The following DCAF8 variants were observed in gnomAD, a reference collection of about 807,000 sequenced individuals.
DCAF8 encodes the protein DDB1 and CUL4 associated factor 8.
A neutral mutation model predicts 68.0 loss-of-function variants in DCAF8; 20 were observed. The observed-to-expected ratio is 0.29, with a 90% CI of 0.21 to 0.43. DCAF8 has a LOEUF of 0.43. Ranked by LOEUF, DCAF8 falls within the 20% of genes least tolerant of loss-of-function variation. The probability of loss-of-function intolerance (pLI) is 1.00; values close to 1 mark genes in which losing one functional copy is unlikely to be tolerated. For missense variants in DCAF8, 460 were observed against 771.0 expected (o/e 0.60, Z 4.78); for synonymous variants, 230 against 276.9 (o/e 0.83, Z 1.68).
At chr1:160,230,897 A>G (rs1181918326) in intron 7 of DCAF8, among the ~76,000 whole-genome samples, 1 of 151,414 alleles carries the variant, frequency 6.6e-6, no homozygotes, top group African/African-American at 2.4e-5. Flanking sequence ...GACTACACGC[A>G]TGTACCACCA....
At chr1:160,239,434 A>G (rs1426680577) in intron 4 of DCAF8, 1 of 1,434,324 alleles carries the variant, frequency 7.0e-7, no homozygotes, top group African/African-American at 1.4e-5. Flanking sequence ...CTGTGCTTAT[A>G]CTACACTGCC....
chr1:160,239,481 T>TA (rs1656015041), intron 4 of DCAF8: 1 of 1,457,510 alleles, frequency 6.9e-7, no homozygotes, highest in African/African-American at 1.4e-5. Context: ...GCATGCACCC[T>TA]ACCTATGAGG....
intron 10 of DCAF8, among the ~76,000 whole-genome samples, chr1:160,223,745 A>T (rs961203504): frequency 7.9e-5 from 12 of 152,118 alleles, no homozygotes; most frequent in African/African-American, 2.9e-4. Context: ...AAAAAATACA[A>T]AAATTAGCCA....
intron 3 of DCAF8, among the ~76,000 whole-genome samples, chr1:160,242,233 A>G (rs1656144501): frequency 6.6e-6 from 1 of 151,678 alleles, no homozygotes; most frequent in Non-Finnish European, 1.5e-5. Context: ...AACAAGAGCA[A>G]AACTCTGTCT....
At chr1:160,229,231 G>A (rs1655585872) in intron 7 of DCAF8, among the ~76,000 whole-genome samples, 1 of 152,104 alleles carries the variant, frequency 6.6e-6, no homozygotes, top group Non-Finnish European at 1.5e-5. Flanking sequence ...AGGAGGCAGA[G>A]GTTGCAGTGA....
intron 2 of DCAF8, among the ~76,000 whole-genome samples, chr1:160,247,593 T>C (rs1248062732): frequency 6.6e-6 from 1 of 152,182 alleles, no homozygotes; most frequent in Admixed American, 6.6e-5. Flanking sequence ...GGGCCAGAAG[T>C]GTTTCAAATT....
At chr1:160,245,965 C>T (rs553746603) in intron 2 of DCAF8, among the ~76,000 whole-genome samples, 25 of 152,032 alleles carry the variant, frequency 1.6e-4, no homozygotes, top group Non-Finnish European at 3.2e-4. Flanking sequence ...ATGGAGAAAC[C>T]CTGTCTCTAC....
In DCAF8 at chr1:160,236,103, T is replaced by C. The variant is rs569416527; in HGVS notation, c.959+1032A>G. 2.6e-5 allele frequency among the ~76,000 whole-genome samples: 4 copies of C among 152,330 alleles called. No homozygotes were observed. The East Asian group carries it at 7.7e-4, about 29-fold the overall frequency. ...GGTGACTGAGGGAGCATTTACATTTTGTCTGTATACTTTATTACTTGAATC... is the reference window on the plus strand; with the variant it reads ...GGTGACTGAGGGAGCATTTACATTTCGTCTGTATACTTTATTACTTGAATC... On this transcript the variant is annotated intron_variant, in intron 6 of 13. Coordinates refer to ENST00000368074, the MANE Select transcript of DCAF8 (RefSeq NM_015726.4).
chr1:160,231,001 C>G (rs1024325757), intron 7 of DCAF8, among the ~76,000 whole-genome samples: 11 of 152,004 alleles, frequency 7.2e-5, no homozygotes, highest in African/African-American at 2.7e-4. Context: ...GTGATCCACC[C>G]GCCTCACCTC....
intron 2 of DCAF8, among the ~76,000 whole-genome samples, chr1:160,257,506 A>T (rs1656886105): frequency 6.6e-6 from 1 of 152,222 alleles, no homozygotes; most frequent in Non-Finnish European, 1.5e-5. Context: ...CCCTGATAGA[A>T]TACAAGACTT....
chr1:160,218,477 T>C (rs1215715155), intron 12 of DCAF8, 37 bp from the exon 13 acceptor site: 1 of 1,502,450 alleles, frequency 6.7e-7, no homozygotes, highest in African/African-American at 1.4e-5. Context: ...GGGGCAGCAA[T>C]GAAGAGGAAC....
chr1:160,239,435 C>A, intron 4 of DCAF8: 1 of 1,434,332 alleles, frequency 7.0e-7, no homozygotes, highest in Non-Finnish European at 9.1e-7. Flanking sequence ...TGTGCTTATA[C>A]TACACTGCCT....
intron 2 of DCAF8, among the ~76,000 whole-genome samples, chr1:160,253,419 G>A (rs1139189): frequency 1.3e-4 from 19 of 151,838 alleles, no homozygotes; most frequent in South Asian, 4.2e-4. Context: ...AGGCTGAGGC[G>A]GGTGGATCAC....
At position 160,239,874 on chromosome 1, in the gene DCAF8, A is replaced by G. The variant is rs201885969; in HGVS notation, c.546T>C (p.Arg182=). 4 of 1,614,262 alleles carry G rather than the reference A, an allele frequency of 2.5e-6. No homozygotes were observed. The East Asian group carries it at 8.9e-5, about 36-fold the overall frequency. The change falls in exon 4 of 14, where the codon CGT becomes CGC. Residue 182 remains arginine (R), a synonymous_variant. Coordinates refer to ENST00000368074, the MANE Select transcript of DCAF8 (RefSeq NM_015726.4). Reference sequence around the variant, plus strand: ...CCTCAAGCCCATGCTGCAGGCGGAAACGCTGCACAAAGACTCTTGCCCCAC... The same window carrying G: ...CCTCAAGCCCATGCTGCAGGCGGAAGCGCTGCACAAAGACTCTTGCCCCAC... The part of the protein sequence containing the change: ...EACGARVFVQ[R]FRLQHGLEGH...
Position 160,239,969 on chromosome 1 carries a change from G to T in DCAF8, c.451C>A (p.Arg151Ser). ...CGAAGGGCAGGGAGGGCTTGCCAGCGAGGTCGGGGTAGAGCTGATGTTTCT... is the reference window on the plus strand; with the variant it reads ...CGAAGGGCAGGGAGGGCTTGCCAGCTAGGTCGGGGTAGAGCTGATGTTTCT... ...SSETSALPRPRWQALPALRER... is the reference protein window; with the variant it reads ...SSETSALPRPSWQALPALRER... The change falls in exon 4 of 14, where the codon CGC becomes AGC. Residue 151 changes from arginine (R) to serine (S), a missense_variant. Around this residue, in one of 8 missense-constraint regions of DCAF8, gnomAD observed 170 missense variants for 318.2 expected, o/e 0.53. Coordinates refer to ENST00000368074, the MANE Select transcript of DCAF8 (RefSeq NM_015726.4). The T allele has an allele frequency of 1.2e-6, 2 of 1,614,224 alleles. No individual in the cohort carries two copies. Among genetic ancestry groups the T allele is most frequent in the South Asian group, 2.2e-5 (2 of 91,086 alleles).
At chr1:160,237,464 C>T (rs1483181695) in intron 5 of DCAF8, among the ~76,000 whole-genome samples, 1 of 152,190 alleles carries the variant, frequency 6.6e-6, no homozygotes, top group Non-Finnish European at 1.5e-5. Flanking sequence ...AGTTGATTTG[C>T]TATTTCAACT....
At chr1:160,244,183 T>G in intron 2 of DCAF8, 149 bp from the exon 3 acceptor site, 1 of 609,436 alleles carries the variant, frequency 1.6e-6, no homozygotes, top group Non-Finnish European at 2.9e-6. Context: ...TCTCAGCTTG[T>G]GAAATTTTTT....
chr1:160,252,767 T>C (rs1299835534), intron 2 of DCAF8, among the ~76,000 whole-genome samples: 1 of 152,152 alleles, frequency 6.6e-6, no homozygotes, highest in African/African-American at 2.4e-5. Flanking sequence ...TAAAGGTAGA[T>C]AATGTTTAGC....
rs1009910567 is a variant in DCAF8 at position 160,217,424 on chromosome 1, T to G, written c.*168A>C. 5 of 551,020 alleles carry G rather than the reference T, an allele frequency of 9.1e-6. No individual in the cohort carries two copies. The highest frequency in any genetic ancestry group is 1.6e-5 in the Non-Finnish European group (5 of 312,228). The allele number at this position is 551,020 out of a possible 1,614,324, so 34.1% of individuals were successfully genotyped here. On this transcript the variant is annotated 3_prime_UTR_variant, in exon 14 of 14. Transcript: ENST00000368074. ...GCTCAACTCCCATTCCTAGGTACTC[T>G]TTGTTGGTTCACTCCTCTGGTTTGT...
Sources: allele counts gnomAD v4.1 joint callset (sites outside exome capture counted in the v4.1 genomes callset), GRCh38; gene constraint gnomAD v4.1.1; regional missense constraint gnomAD v4.1.1; transcripts MANE v1.5; gene names NCBI Gene and HGNC (gene_info 2026-07-23, HGNC 2026-07-21).